Variants in TEX9 observed in about 807,000 individuals in gnomAD.
The protein encoded by TEX9 is testis-expressed protein 9.
Under a neutral mutation model 59.6 loss-of-function variants are expected in TEX9, and 74 were observed. The observed-to-expected ratio is 1.24, with a 90% CI of 1.03 to 1.51. The LOEUF is 1.51. Ranked by LOEUF, TEX9 falls within the 40% of genes most tolerant of loss-of-function variation. The pLI is 0.00. For synonymous variants in TEX9, 186 were observed against 152.2 expected (o/e 1.22, Z -1.64); for missense variants, 522 against 447.8 (o/e 1.17, Z -1.49).
At chr15:56,453,284 T>C in the TEX9 span, among the ~76,000 whole-genome samples, 1 of 152,208 alleles carries the variant, frequency 6.6e-6, no homozygotes, top group Non-Finnish European at 1.5e-5. Context: ...AGTTCTGAAA[T>C]TAAGCTTGGG....
intron 1 of TEX9, among the ~76,000 whole-genome samples, chr15:56,269,350 T>C (rs1342219038): frequency 6.6e-6 from 1 of 152,194 alleles, no homozygotes; most frequent in Non-Finnish European, 1.5e-5. Flanking sequence ...TGGTTATTTC[T>C]TGCCTTCTGC....
chr15:56,436,588 G>A (rs1292443189), intron 12 of TEX9, among the ~76,000 whole-genome samples: 1 of 151,962 alleles, frequency 6.6e-6, no homozygotes, highest in Non-Finnish European at 1.5e-5. Context: ...CTAGCAGAAG[G>A]CAAGAAATAA....
chr15:56,320,085 G>A (rs1340733890), intron 1 of TEX9, among the ~76,000 whole-genome samples: 1 of 152,158 alleles, frequency 6.6e-6, no homozygotes, highest in African/African-American at 2.4e-5. Context: ...ACAGCTGCAG[G>A]TACAGGTGCC....
At chr15:56,458,839 A>G in the TEX9 span, among the ~76,000 whole-genome samples, 1 of 152,148 alleles carries the variant, frequency 6.6e-6, no homozygotes, top group Non-Finnish European at 1.5e-5. Flanking sequence ...ATCACAGTTT[A>G]TCCATTATCT....
intron 1 of TEX9, among the ~76,000 whole-genome samples, chr15:56,343,681 A>G (rs548843511): frequency 1.3e-5 from 2 of 152,268 alleles, no homozygotes; most frequent in East Asian, 1.9e-4. Flanking sequence ...TGCCATCAAG[A>G]TAGTGAAAAG....
At chr15:56,439,043 G>T (rs144840871) in intron 12 of TEX9, among the ~76,000 whole-genome samples, 1 of 152,040 alleles carries the variant, frequency 6.6e-6, no homozygotes, top group African/African-American at 2.4e-5. Context: ...AGACATGCCT[G>T]ACTATGTAGG....
chr15:56,419,333 C>G (rs1274485356), intron 10 of TEX9, among the ~76,000 whole-genome samples: 2 of 151,710 alleles, frequency 1.3e-5, no homozygotes, highest in African/African-American at 2.4e-5. Flanking sequence ...AATGCTTTGG[C>G]TTTGTGGGCT....
At chr15:56,441,999 G>A (rs1355117419) in intron 12 of TEX9, among the ~76,000 whole-genome samples, 3 of 151,882 alleles carry the variant, frequency 2.0e-5, no homozygotes, top group African/African-American at 4.8e-5. Flanking sequence ...CAACCTGGGC[G>A]ACAGAGCGAG....
chr15:56,271,194 T>A (rs1301906067), intron 1 of TEX9, among the ~76,000 whole-genome samples: 1 of 152,276 alleles, frequency 6.6e-6, no homozygotes, highest in East Asian at 1.9e-4. Context: ...CTTACTAGTT[T>A]GGGGAAGTTC....
exon 1 of TEX9, chr15:56,244,205 A>G (rs2043779502): frequency 6.6e-6 from 1 of 152,226 alleles, no homozygotes; most frequent in Non-Finnish European, 1.5e-5. Context: ...AGAGAAATCA[A>G]CATTATCCCC....
chr15:56,257,881 T>C (rs143406775), intron 1 of TEX9, among the ~76,000 whole-genome samples: 1 of 152,296 alleles, frequency 6.6e-6, no homozygotes, highest in Admixed American at 6.5e-5. Context: ...ATGTCCTGAT[T>C]GGTATTGCCT....
intron 1 of TEX9, among the ~76,000 whole-genome samples, chr15:56,249,742 CAAAAAAAAAA>C (rs11440856): frequency 7.9e-5 from 2 of 25,456 alleles, no homozygotes; most frequent in Non-Finnish European, 1.5e-4. Flanking sequence ...GGATCTGTCT[CAAAAAAAAAA>C]AAAAAAAAAA....
chr15:56,395,827 TACTG>T (rs2048443864), intron 9 of TEX9: 1 of 152,212 alleles, frequency 6.6e-6, no homozygotes. Flanking sequence ...TTGAAAAAAT[TACTG>T]AATAATAAGA....
At chr15:56,388,902 C>T (rs1307876177) in intron 5 of TEX9, among the ~76,000 whole-genome samples, 8 of 151,750 alleles carry the variant, frequency 5.3e-5, no homozygotes, top group Non-Finnish European at 1.0e-4. Context: ...AGAGATCACT[C>T]TTCCAGGTGT....
chr15:56,443,744 T>G, intron 12 of TEX9: 1 of 1,613,396 alleles, frequency 6.2e-7, no homozygotes, highest in Non-Finnish European at 8.5e-7. Context: ...TTTTCTGTTT[T>G]CTTCTTCCAT....
intron 1 of TEX9, among the ~76,000 whole-genome samples, chr15:56,359,099 G>C (rs779337482): frequency 6.6e-6 from 1 of 151,942 alleles, no homozygotes; most frequent in African/African-American, 2.4e-5. Context: ...GCTCCTCTTG[G>C]CTGTGACAGT....
At chr15:56,318,154 C>G (rs1437880821) in intron 1 of TEX9, among the ~76,000 whole-genome samples, 1 of 151,984 alleles carries the variant, frequency 6.6e-6, no homozygotes, top group Non-Finnish European at 1.5e-5. Context: ...TTTTGAAGCT[C>G]TGTTGTTAGG....
At chr15:56,356,374 T>G (rs190101884) in intron 1 of TEX9, among the ~76,000 whole-genome samples, 53 of 152,218 alleles carry the variant, frequency 3.5e-4, no homozygotes, top group African/African-American at 1.2e-3. Context: ...AAACTAGACA[T>G]TATTATTAGT....
At chr15:56,275,189 C>T (rs769247694) in intron 1 of TEX9, among the ~76,000 whole-genome samples, 5 of 152,278 alleles carry the variant, frequency 3.3e-5, no homozygotes, top group East Asian at 3.9e-4. Flanking sequence ...CCTCCCCCAA[C>T]GGTTGGAAGT....
Sources: gnomAD v4.1 joint callset for allele counts (sites outside exome capture counted in the v4.1 genomes callset) on GRCh38, gnomAD v4.1.1 for gene constraint, MANE v1.5 for transcripts, NCBI Gene and HGNC (gene_info 2026-07-23, HGNC 2026-07-21) for gene names.